The following COL6A3 variants were observed in gnomAD, a reference collection of about 807,000 sequenced individuals.
The protein encoded by COL6A3 is collagen type VI alpha 3 chain.
COL6A3 carries 137 observed loss-of-function variants against 274.1 expected under a neutral mutation model. The ratio of observed to expected loss-of-function variants is 0.50; its 90% confidence interval spans 0.44 to 0.58. COL6A3 has a LOEUF of 0.58. Among genes scored for constraint, COL6A3 ranks in the 20% least tolerant of loss-of-function variants. COL6A3 has a pLI of 0.00. For synonymous variants in COL6A3, 1,650 were observed against 1,650.6 expected (o/e 1.00, Z 0.01); for missense variants, 3,950 against 4,124.9 (o/e 0.96, Z 1.16).
intron 42 of COL6A3, among the ~76,000 whole-genome samples, chr2:237,332,529 A>G (rs1384140355): frequency 2.6e-5 from 4 of 152,174 alleles, no homozygotes; most frequent in African/African-American, 9.6e-5. Flanking sequence ...GGCTCACTCA[A>G]CAAACACCTT....
At chr2:237,376,223 A>G (rs1056935836) in intron 7 of COL6A3, among the ~76,000 whole-genome samples, 3 of 152,162 alleles carry the variant, frequency 2.0e-5, no homozygotes, top group Non-Finnish European at 4.4e-5. Context: ...TACTCTCTTC[A>G]CTGCATTTTT....
intron 21 of COL6A3, 138 bp from the exon 22 acceptor site, chr2:237,358,020 C>A: frequency 2.4e-6 from 2 of 819,892 alleles, no homozygotes; most frequent in East Asian, 4.9e-5. Flanking sequence ...ACAACCCATC[C>A]AGGTAACATC....
chr2:237,348,677 A>G lies in COL6A3; in HGVS notation c.6880-14T>C, dbSNP rs2077145306. ...CCCGTCATCTCCCTAAGAGTGGGAA[A>G]GAGATGTGACTGTAGGTCGCCATGC... On this transcript the variant is annotated splice_polypyrimidine_tract_variant and intron_variant, in intron 28 of 43. Transcript: ENST00000295550. 6.2e-7 allele frequency: 1 copy of G among 1,613,922 alleles called. No individual in the cohort carries two copies. The highest frequency in any genetic ancestry group is 1.3e-5 in the African/African-American group (1 of 74,916).
chr2:237,354,972 C>T (rs1574967929), intron 23 of COL6A3, 38 bp from the exon 24 acceptor site: 1 of 1,603,546 alleles, frequency 6.2e-7, no homozygotes, highest in East Asian at 2.2e-5. Context: ...TGAGGGGGAG[C>T]ATGGGACGCT....
rs1358391708 is a variant in COL6A3 at position 237,339,148 on chromosome 2, A to G, written c.8465-31T>C. 3 of 1,446,002 alleles carry G rather than the reference A, an allele frequency of 2.1e-6. No homozygotes were observed. The African/African-American group carries it at 4.2e-5, about 20-fold the overall frequency. The allele number at this position is 1,446,002 out of a possible 1,614,324, so 89.6% of individuals were successfully genotyped here. ...GAAAAAAAACAAAGAAAACAATTGA[A>G]CCGCATGCTAATAACATGAAAATTA... On this transcript the variant is annotated intron_variant, in intron 38 of 43. Transcript: ENST00000295550.
At chr2:237,333,424 A>G (rs1574925714) in intron 42 of COL6A3, 26 bp downstream of exon 42, 1 of 1,598,670 alleles carries the variant, frequency 6.3e-7, no homozygotes, top group Non-Finnish European at 8.6e-7. Context: ...AGTGCCATTA[A>G]TGGACCTAAT....
chr2:237,359,538 C>T (rs1343659583), intron 17 of COL6A3, 150 bp from the exon 18 acceptor site: 1 of 871,686 alleles, frequency 1.1e-6, no homozygotes, highest in Non-Finnish European at 2.0e-6. Flanking sequence ...CCTTTGGATT[C>T]CTCTCTCACC....
chr2:237,337,219 T>C (rs1700595227), intron 39 of COL6A3, among the ~76,000 whole-genome samples: 1 of 152,230 alleles, frequency 6.6e-6, no homozygotes, highest in African/African-American at 2.4e-5. Context: ...GAAGTATTAA[T>C]ATATTTTCAA....
intron 39 of COL6A3, 60 bp from the exon 40 acceptor site, chr2:237,336,592 C>A: frequency 7.7e-6 from 12 of 1,564,214 alleles, no homozygotes; most frequent in Non-Finnish European, 1.1e-5. Flanking sequence ...TAAATAAAGA[C>A]ATAACCCCAT....
intron 7 of COL6A3, among the ~76,000 whole-genome samples, chr2:237,376,048 G>A (rs984596673): frequency 1.3e-4 from 20 of 152,176 alleles, no homozygotes; most frequent in African/African-American, 4.6e-4. Context: ...GCATTTTATC[G>A]ATGGGAGGTT....
rs752943415 is a variant in COL6A3 at position 237,412,301 on chromosome 2, G to A, written c.-31+1652C>T. 7.6e-4 allele frequency among the ~76,000 whole-genome samples: 116 copies of A among 152,216 alleles called. 1 individual carries two copies. The highest frequency in any genetic ancestry group is 5.4e-4 in the Non-Finnish European group (37 of 68,032). ...GCCCCGGTATTCCGGTCACGGAACC[G>A]ATGCCCCCGCCCCACGGTCCACCTC... On this transcript the variant is annotated intron_variant, in intron 1 of 43. Transcript: ENST00000295550.
At chr2:237,342,753 C>T (rs1443370033) in intron 36 of COL6A3, 2 of 158,224 alleles carry the variant, frequency 1.3e-5, no homozygotes, top group Admixed American at 6.0e-5. Context: ...AAGAAACTCA[C>T]GTGGTTCTGG....
chr2:237,352,192 AC>A (rs2077221081), intron 26 of COL6A3, among the ~76,000 whole-genome samples: 1 of 152,224 alleles, frequency 6.6e-6, no homozygotes, highest in Non-Finnish European at 1.5e-5. Context: ...AAGGGGAAAC[AC>A]CTTGCAGAAT....
chr2:237,324,874 A>C, intron 43 of COL6A3, 60 bp from the exon 44 acceptor site: 4 of 1,576,440 alleles, frequency 2.5e-6, no homozygotes, highest in Non-Finnish European at 3.5e-6. Flanking sequence ...AGAGAGGAAA[A>C]GCCACATTAC....
rs1699829187 is a variant in COL6A3, at chr2:237,324,553, A to G, written c.*221T>C. 7.2e-6 allele frequency: 4 copies of G among 559,190 alleles called. No individual in the cohort carries two copies. In the East Asian group the frequency reaches 1.3e-4, roughly 18 times the overall value. The allele number at this position is 559,190 out of a possible 1,614,324, so 34.6% of individuals were successfully genotyped here. ...CTAACTGTTACACAACATTCAAAGTATTCGAGAGAACTGCCTGGAGACAGA... is the reference window on the plus strand; with the variant it reads ...CTAACTGTTACACAACATTCAAAGTGTTCGAGAGAACTGCCTGGAGACAGA... On this transcript the variant is annotated 3_prime_UTR_variant, in exon 44 of 44. Coordinates refer to ENST00000295550, the MANE Select transcript of COL6A3 (RefSeq NM_004369.4).
intron 36 of COL6A3, chr2:237,343,577 C>A (rs374259939): frequency 0.069 from 6,671 of 97,052 alleles, 252 homozygotes; most frequent in Middle Eastern, 0.099. Context: ...AAAAAAAAAA[C>A]ACACAATTAA....
intron 38 of COL6A3, among the ~76,000 whole-genome samples, chr2:237,340,206 T>C (rs1278646514): frequency 6.6e-6 from 1 of 152,206 alleles, no homozygotes; most frequent in Admixed American, 6.5e-5. Context: ...TATGACTAGG[T>C]GGCGCTTGGT....
At position 237,388,060 on chromosome 2, in the gene COL6A3, C is replaced by A; in HGVS notation, c.834G>T (p.Gln278His). The A allele has an allele frequency of 6.2e-7, 1 of 1,614,240 alleles. No homozygotes were observed. ...LLEKLPIGTQQIRVGVVQFSD... is the reference protein window; with the variant it reads ...LLEKLPIGTQHIRVGVVQFSD... ...TAAACTGGACCACCCCCACTCGGAT[C>A]TGCTGAGTTCCAATTGGGAGTTTCT... The change falls in exon 4 of 44, where the codon CAG becomes CAT. Residue 278 changes from glutamine to histidine, a missense_variant. Around this residue, in one of 5 missense-constraint regions of COL6A3, gnomAD observed 1,934 missense variants for 1,984.3 expected, o/e 0.97. Coordinates refer to ENST00000295550, the MANE Select transcript of COL6A3 (RefSeq NM_004369.4).
At position 237,364,215 on chromosome 2, in the gene COL6A3, C is replaced by CT; in HGVS notation, c.5917+134dup. 1.3e-6 allele frequency: 1 copy of CT among 746,074 alleles called. No homozygotes were observed. The highest frequency in any genetic ancestry group is 2.4e-6 in the Non-Finnish European group (1 of 422,548). The allele number at this position is 746,074 out of a possible 1,614,324, so 46.2% of individuals were successfully genotyped here. ...AAGCAGGTGATGAAGGGCCACAACG[C>CT]TGGGAGGAAGAGTCTCCCAAGACAA... On this transcript the variant is annotated intron_variant, in intron 13 of 43. Coordinates refer to ENST00000295550, the MANE Select transcript of COL6A3 (RefSeq NM_004369.4). This position sits in a 1 kb window ranked among gnomAD's most constrained non-coding sequence, Gnocchi z 4.6.
Sources: allele counts gnomAD v4.1 joint callset (sites outside exome capture counted in the v4.1 genomes callset), GRCh38; gene constraint gnomAD v4.1.1; regional missense constraint gnomAD v4.1.1; non-coding constraint Gnocchi (gnomAD v3.1); transcripts MANE v1.5; gene names NCBI Gene and HGNC (gene_info 2026-07-23, HGNC 2026-07-21).